Variants in GPC6 observed in about 807,000 individuals in gnomAD.
The protein encoded by GPC6 is glypican-6.
Under a neutral mutation model 55.2 loss-of-function variants are expected in GPC6, and 14 were observed. The observed-to-expected ratio is 0.25, with a 90% CI of 0.17 to 0.40. GPC6 has a LOEUF of 0.40. Among genes scored for constraint, GPC6 ranks in the 10% least tolerant of loss-of-function variants. The pLI, the probability that GPC6 is intolerant of heterozygous loss-of-function variation, is 1.00. For synonymous variants in GPC6, 278 were observed against 259.6 expected (o/e 1.07, Z -0.68); for missense variants, 641 against 708.5 (o/e 0.90, Z 1.08).
intron 7 of GPC6, among the ~76,000 whole-genome samples, chr13:94,386,144 G>A (rs1880392022): frequency 6.6e-6 from 1 of 151,502 alleles, no homozygotes; most frequent in African/African-American, 2.4e-5. Context: ...CGGATGATGA[G>A]GTCAGCAGAT....
intron 2 of GPC6, among the ~76,000 whole-genome samples, chr13:93,739,257 G>A (rs1884115145): frequency 2.6e-5 from 4 of 152,066 alleles, no homozygotes; most frequent in African/African-American, 9.7e-5. Flanking sequence ...AAGAAAACTA[G>A]TTAGGTGATG....
intron 3 of GPC6, among the ~76,000 whole-genome samples, chr13:93,997,589 G>GTA (rs2140421374): frequency 6.6e-6 from 1 of 151,662 alleles, no homozygotes; most frequent in Non-Finnish European, 1.5e-5. Flanking sequence ...ATATGTGTGT[G>GTA]TGTGTGTGTG....
intron 3 of GPC6, among the ~76,000 whole-genome samples, chr13:93,842,981 A>C (rs1888009360): frequency 6.6e-6 from 1 of 152,034 alleles, no homozygotes; most frequent in South Asian, 2.1e-4. Context: ...TATATCTCTA[A>C]TATGATTTTA....
chr13:93,322,796 T>G (rs1250063733), intron 1 of GPC6, among the ~76,000 whole-genome samples: 1 of 152,096 alleles, frequency 6.6e-6, no homozygotes, highest in Non-Finnish European at 1.5e-5. Flanking sequence ...TTGTTTTTAT[T>G]TTTTTATTAT....
chr13:94,128,230 T>C (rs1886889747), intron 4 of GPC6, among the ~76,000 whole-genome samples: 1 of 152,156 alleles, frequency 6.6e-6, no homozygotes, highest in Admixed American at 6.6e-5. Flanking sequence ...GGGTGGGTCA[T>C]TAACTAACTT....
chr13:94,165,801 C>G (rs548681372), intron 4 of GPC6, among the ~76,000 whole-genome samples: 16 of 152,174 alleles, frequency 1.1e-4, no homozygotes, highest in African/African-American at 3.9e-4. Flanking sequence ...TATATTAGAT[C>G]AGAATAATAT....
chr13:94,083,017 T>C (rs115405273), intron 4 of GPC6, among the ~76,000 whole-genome samples: 1,785 of 152,330 alleles, frequency 0.012, 31 homozygotes, highest in African/African-American at 0.04. Context: ...TCATGATCTG[T>C]CAGAGATTTT....
chr13:93,839,748 C>T lies in GPC6; in HGVS notation c.711+9203C>T, dbSNP rs114125124. Among the ~76,000 whole-genome samples the T allele has an allele frequency of 7.1e-3, 1,086 of 152,192 alleles. 17 individuals carry two copies. Among genetic ancestry groups the T allele is most frequent in the African/African-American group, 0.025 (1,041 of 41,532 alleles). ...AGGATGTTCCCTGGTGCAATATCAG[C>T]GCACTATAGAGGTTTCTGAGCCAAG... is the stretch of plus-strand genomic sequence containing the variant. On this transcript the variant is annotated intron_variant, in intron 3 of 8. Coordinates refer to ENST00000377047, the MANE Select transcript of GPC6 (RefSeq NM_005708.5).
chr13:93,909,344 C>T (rs1015480308), intron 3 of GPC6, among the ~76,000 whole-genome samples: 3 of 151,780 alleles, frequency 2.0e-5, no homozygotes, highest in East Asian at 1.9e-4. Flanking sequence ...ATATCATTTT[C>T]GTGAAATATT....
chr13:94,125,667 T>G (rs1177817878), intron 4 of GPC6, among the ~76,000 whole-genome samples: 1 of 151,888 alleles, frequency 6.6e-6, no homozygotes, highest in Non-Finnish European at 1.5e-5. Flanking sequence ...TTCTGAACAC[T>G]GACTCATGTT....
intron 1 of GPC6, among the ~76,000 whole-genome samples, chr13:93,496,966 G>T (rs1880324307): frequency 6.6e-6 from 1 of 152,114 alleles, no homozygotes; most frequent in Non-Finnish European, 1.5e-5. Flanking sequence ...CTAGGCAATT[G>T]GAGGATTATG....
intron 4 of GPC6, among the ~76,000 whole-genome samples, chr13:94,282,935 G>T (rs1312025870): frequency 1.3e-5 from 2 of 152,232 alleles, no homozygotes; most frequent in East Asian, 3.9e-4. Context: ...GAGTGTCGAA[G>T]ATATTGCAGT....
intron 1 of GPC6, among the ~76,000 whole-genome samples, chr13:93,276,273 G>T (rs1221750827): frequency 6.6e-6 from 1 of 152,062 alleles, no homozygotes; most frequent in African/African-American, 2.4e-5. Context: ...GTGGAGGGAA[G>T]ATGAAAAAGA....
chr13:93,387,505 T>A (rs1171070667), intron 1 of GPC6, among the ~76,000 whole-genome samples: 1 of 152,248 alleles, frequency 6.6e-6, no homozygotes, highest in Non-Finnish European at 1.5e-5. Flanking sequence ...GGATATGAAC[T>A]CATTCTTTTT....
intron 4 of GPC6, among the ~76,000 whole-genome samples, chr13:94,070,042 A>C (rs1177953815): frequency 2.6e-5 from 4 of 152,196 alleles, no homozygotes; most frequent in African/African-American, 9.6e-5. Context: ...GCTAGTGAAG[A>C]CATATCCGAG....
intron 2 of GPC6, among the ~76,000 whole-genome samples, chr13:93,778,596 G>C (rs1055216669): frequency 1.3e-5 from 2 of 152,112 alleles, no homozygotes; most frequent in Non-Finnish European, 2.9e-5. Context: ...GGCAAAACTG[G>C]TAATATTTTA....
chr13:94,064,987 C>A (rs185489709), intron 4 of GPC6, among the ~76,000 whole-genome samples: 1 of 152,176 alleles, frequency 6.6e-6, no homozygotes, highest in East Asian at 1.9e-4. Flanking sequence ...GGTTGTGAGA[C>A]TTCACAGAAA....
chr13:94,063,064 C>T (rs1328523223), intron 4 of GPC6, among the ~76,000 whole-genome samples: 1 of 152,132 alleles, frequency 6.6e-6, no homozygotes, highest in Non-Finnish European at 1.5e-5. Flanking sequence ...TGGTGGCCGA[C>T]CTGTTTGTTT....
chr13:93,753,041 A>T (rs965770786), intron 2 of GPC6, among the ~76,000 whole-genome samples: 8 of 152,316 alleles, frequency 5.3e-5, no homozygotes, highest in African/African-American at 1.9e-4. Context: ...TAAGCTACTG[A>T]AAGAGCCTGA....
Sources: allele counts gnomAD v4.1 joint callset (sites outside exome capture counted in the v4.1 genomes callset), GRCh38; gene constraint gnomAD v4.1.1; transcripts MANE v1.5; gene names NCBI Gene and HGNC (gene_info 2026-07-23, HGNC 2026-07-21).